The following LYPD6 variants were observed in gnomAD, a reference collection of about 807,000 sequenced individuals.
LYPD6 encodes the protein LY6/PLAUR domain containing 6, also known as ly6/PLAUR domain-containing protein 6.
In LYPD6, 15 loss-of-function variants were observed where a neutral mutation model predicts 22.7. The ratio of observed to expected loss-of-function variants is 0.66; its 90% confidence interval spans 0.44 to 1.02. The LOEUF (loss-of-function observed/expected upper bound fraction) is 1.02, where lower values mean the gene tolerates loss of function less well. Among genes scored for constraint, LYPD6 ranks in the 50% least tolerant of loss-of-function variants. The pLI is 0.00. For synonymous variants in LYPD6, 72 were observed against 77.5 expected, an observed-to-expected ratio of 0.93 and a Z score of 0.37; for missense variants, 189 against 208.4, an observed-to-expected ratio of 0.91 and a Z score of 0.57.
chr2:149,357,785 C>CTT (rs530498136), intron 1 of LYPD6, among the ~76,000 whole-genome samples: 17 of 127,386 alleles, frequency 1.3e-4, no homozygotes, highest in South Asian at 5.2e-4. Context: ...CTTTTCTTTG[C>CTT]TTTTTTTTTT....
chr2:149,354,578 T>A (rs111796699), intron 1 of LYPD6, among the ~76,000 whole-genome samples: 69 of 152,158 alleles, frequency 4.5e-4, no homozygotes, highest in African/African-American at 1.6e-3. Flanking sequence ...GAATAAGAGA[T>A]TAGACCAAGC....
intron 1 of LYPD6, among the ~76,000 whole-genome samples, chr2:149,407,954 C>G (rs1449576614): frequency 7.2e-5 from 11 of 152,188 alleles, no homozygotes; most frequent in Non-Finnish European, 1.3e-4. Context: ...TTCTAACAGA[C>G]AGGACCTTCA....
rs192921370 is a variant in LYPD6, at chr2:149,454,045, G to T, written c.217+4898G>T. Among the ~76,000 whole-genome samples, 13 of 152,240 alleles carry T rather than the reference G, an allele frequency of 8.5e-5. No homozygotes were observed. In the East Asian group the frequency reaches 2.5e-3, roughly 29 times the overall value. On this transcript the variant is annotated intron_variant, in intron 3 of 4. Transcript: ENST00000334166. ...CATTTGTAATTTACAAAAAGTGCTG[G>T]TTACATTTTATCCAACACTTCTGGC... is the stretch of plus-strand genomic sequence containing the variant.
At chr2:149,475,806 A>G (rs10181718), downstream of LYPD6, among the ~76,000 whole-genome samples, 7,165 of 152,276 alleles carry the variant, frequency 0.047, 569 homozygotes, top group African/African-American at 0.16. Context: ...TCGGTTAATC[A>G]GCATGACCCC....
At chr2:149,421,153 T>C (rs943150643) in intron 1 of LYPD6, among the ~76,000 whole-genome samples, 5 of 152,056 alleles carry the variant, frequency 3.3e-5, no homozygotes, top group Admixed American at 6.6e-5. Context: ...CCCAGCACTT[T>C]GGGAGGCCAA....
chr2:149,457,955 T>C (rs183653560), intron 3 of LYPD6, among the ~76,000 whole-genome samples: 1 of 152,278 alleles, frequency 6.6e-6, no homozygotes, highest in East Asian at 1.9e-4. Context: ...GCAAATGCCA[T>C]AGGCACTGGC....
At chr2:149,341,597 CGTT>C (rs1050033093) in intron 1 of LYPD6, among the ~76,000 whole-genome samples, 48 of 152,222 alleles carry the variant, frequency 3.2e-4, no homozygotes, top group Admixed American at 1.3e-3. Flanking sequence ...ATCTTAGACT[CGTT>C]GTGCTACTAT....
intron 1 of LYPD6, among the ~76,000 whole-genome samples, chr2:149,352,120 C>CT (rs767942218): frequency 4.8e-4 from 73 of 152,028 alleles, no homozygotes; most frequent in Admixed American, 2.8e-3. Context: ...CACTTGCCAT[C>CT]TAAATGAGGA....
At chr2:149,347,020 A>G (rs1681269329) in intron 1 of LYPD6, among the ~76,000 whole-genome samples, 2 of 152,108 alleles carry the variant, frequency 1.3e-5, no homozygotes, top group Non-Finnish European at 2.9e-5. Context: ...TGTTTTTCTC[A>G]CAATTCTGGA....
chr2:149,406,233 G>A (rs1050975373), intron 1 of LYPD6, among the ~76,000 whole-genome samples: 3 of 152,046 alleles, frequency 2.0e-5, no homozygotes, highest in Non-Finnish European at 4.4e-5. Flanking sequence ...GGAGAGTTCT[G>A]TAGATGTCTA....
intron 1 of LYPD6, among the ~76,000 whole-genome samples, chr2:149,364,199 G>A (rs1463811823): frequency 6.6e-6 from 1 of 152,170 alleles, no homozygotes; most frequent in African/African-American, 2.4e-5. Flanking sequence ...AAATCCTGGG[G>A]AGTCCTGACT....
At chr2:149,339,384 C>T (rs1681117478) in intron 1 of LYPD6, among the ~76,000 whole-genome samples, 1 of 152,176 alleles carries the variant, frequency 6.6e-6, no homozygotes, top group Non-Finnish European at 1.5e-5. Context: ...TCTTGTAACT[C>T]CATAGACAAA....
chr2:149,435,626 G>A (rs1683414021), intron 1 of LYPD6, among the ~76,000 whole-genome samples: 2 of 152,198 alleles, frequency 1.3e-5, no homozygotes, highest in Admixed American at 6.5e-5. Context: ...CTGTCACTTG[G>A]CTGCTGACTT....
At chr2:149,352,931 C>T (rs890405921) in intron 1 of LYPD6, among the ~76,000 whole-genome samples, 8 of 152,178 alleles carry the variant, frequency 5.3e-5, no homozygotes, top group South Asian at 2.1e-4. Flanking sequence ...TAAAAGAAAA[C>T]GCTTGCTGGT....
chr2:149,444,911 A>G (rs753991853), intron 2 of LYPD6, among the ~76,000 whole-genome samples: 4 of 152,350 alleles, frequency 2.6e-5, no homozygotes, highest in Admixed American at 6.5e-5. Context: ...CACCTAGATG[A>G]TTAATCCTTT....
chr2:149,404,588 C>G (rs540077980), intron 1 of LYPD6, among the ~76,000 whole-genome samples: 5,445 of 152,132 alleles, frequency 0.036, 307 homozygotes, highest in African/African-American at 0.12. Context: ...GATTTTGTAT[C>G]CTGAGACTTT....
Position 149,433,030 on chromosome 2 carries a change from A to G in LYPD6, c.-71-4608A>G, listed in dbSNP as rs1444101301. The stretch of plus-strand genomic sequence containing the variant: ...TATTAAAACACTCCTTAAGTCCTAC[A>G]TTATTTTGGTGTCTATCCTTTCAGT... On this transcript the variant is annotated intron_variant, in intron 1 of 4. Coordinates refer to ENST00000334166, the MANE Select transcript of LYPD6 (RefSeq NM_194317.5). Among the ~76,000 whole-genome samples the G allele has an allele frequency of 4.6e-5, 7 of 152,218 alleles. No individual in the cohort carries two copies. The East Asian group carries it at 9.6e-4, about 21-fold the overall frequency.
intron 1 of LYPD6, among the ~76,000 whole-genome samples, chr2:149,355,435 G>A (rs993298315): frequency 3.3e-5 from 5 of 152,094 alleles, no homozygotes; most frequent in African/African-American, 1.2e-4. Flanking sequence ...TACACTTTTC[G>A]AAAATTAGAA....
intron 1 of LYPD6, among the ~76,000 whole-genome samples, chr2:149,392,630 C>T (rs972111466): frequency 1.1e-4 from 17 of 152,104 alleles, no homozygotes; most frequent in South Asian, 2.1e-4. Flanking sequence ...TGAGGCTATA[C>T]GAATATCTGT....
Sources: allele counts gnomAD v4.1 joint callset (sites outside exome capture counted in the v4.1 genomes callset), GRCh38; gene constraint gnomAD v4.1.1; transcripts MANE v1.5; gene names NCBI Gene and HGNC (gene_info 2026-07-23, HGNC 2026-07-21).